The following ARHGAP23 variants were observed in gnomAD, a reference collection of about 807,000 sequenced individuals.
The protein encoded by ARHGAP23 is Rho GTPase activating protein 23.
Under a neutral mutation model 136.3 loss-of-function variants are expected in ARHGAP23, and 34 were observed. The ratio of observed to expected loss-of-function variants is 0.25; its 90% CI spans 0.19 to 0.33. ARHGAP23 has a LOEUF of 0.33. Among genes scored for constraint, ARHGAP23 ranks in the 10% least tolerant of loss-of-function variants. ARHGAP23 has a pLI of 1.00. For missense variants in ARHGAP23, 1,808 were observed against 2,139.0 expected (o/e 0.85, Z 3.05); for synonymous variants, 832 against 920.5 (o/e 0.90, Z 1.74).
intron 22 of ARHGAP23, chr17:38,500,324 C>A: frequency 1.9e-6 from 1 of 528,880 alleles, no homozygotes. Context: ...TGCCCCCTTG[C>A]CCTTAGCCAT....
At chr17:38,466,067 T>C in intron 6 of ARHGAP23, 100 bp from the exon 7 acceptor site, 1 of 841,104 alleles carries the variant, frequency 1.2e-6, no homozygotes, top group Non-Finnish European at 1.6e-6. Context: ...GTCCTCTCCC[T>C]TCATTTCCCT....
At chr17:38,500,504 G>A (rs1597846897) in intron 22 of ARHGAP23, 93 bp from the exon 23 acceptor site, 6 of 1,167,738 alleles carry the variant, frequency 5.1e-6, no homozygotes, top group African/African-American at 1.5e-5. Flanking sequence ...CCTGGTTTCT[G>A]AAGCCTTTGA....
intron 17 of ARHGAP23, among the ~76,000 whole-genome samples, chr17:38,488,118 G>T (rs1180162182): frequency 6.6e-6 from 1 of 152,054 alleles, no homozygotes; most frequent in African/African-American, 2.4e-5. Context: ...ACATTGCTCA[G>T]ACTGGTCTTC....
chr17:38,437,626 C>G (rs901148126), intron 1 of ARHGAP23, among the ~76,000 whole-genome samples: 2 of 151,784 alleles, frequency 1.3e-5, no homozygotes, highest in Non-Finnish European at 2.9e-5. Flanking sequence ...ACCCCTACCC[C>G]CCCCAAAAAA....
chr17:38,466,991 C>T lies in ARHGAP23; in HGVS notation c.1308C>T (p.Leu436=). 2 of 1,550,656 alleles carry T rather than the reference C, an allele frequency of 1.3e-6. No individual in the cohort carries two copies. The highest frequency in any genetic ancestry group is 1.7e-6 in the Non-Finnish European group (2 of 1,146,980). The stretch of plus-strand genomic sequence containing the variant: ...GCCGGACCGGCCTCCTCCATGCGCT[C>T]TCCTTCCGGGACTCACCCTTTGGGG... ...FQRRTGLLHA[L]SFRDSPFGGL... Residue 436 remains leucine, a synonymous_variant, in exon 7 of 24, where the codon CTC becomes CTT. Transcript: ENST00000622683.
In ARHGAP23 at chr17:38,466,709, C is replaced by T. The variant is rs1281937486; in HGVS notation, c.1026C>T (p.Gly342=). 2 of 1,533,882 alleles carry T rather than the reference C, an allele frequency of 1.3e-6. No individual in the cohort carries two copies. The highest frequency in any genetic ancestry group is 2.0e-5 in the Admixed American group (1 of 50,098). Residue 342 remains glycine (G), a synonymous_variant, in exon 7 of 24, where the codon GGC becomes GGT. Coordinates refer to ENST00000622683, the MANE Select transcript of ARHGAP23 (RefSeq NM_001199417.2). ...STSQDALSQL[G]QEGWHRARSD... ...CCCAGGATGCTTTGAGCCAGCTGGG[C>T]CAGGAGGGCTGGCACCGAGCTCGCT...
In ARHGAP23 at chr17:38,473,148, T is replaced by C. The variant is rs1272011322; in HGVS notation, c.2118+1142T>C. ...TGTATTTTTTTAGTAGAGACGGAGT[T>C]TCACCATGTTGGTCAGGCTGGTCTC... is the stretch of plus-strand genomic sequence containing the variant. On this transcript the variant is annotated intron_variant, in intron 11 of 23. Coordinates refer to ENST00000622683, the MANE Select transcript of ARHGAP23 (RefSeq NM_001199417.2). Among the ~76,000 whole-genome samples, 4 of 151,076 alleles carry C rather than the reference T, an allele frequency of 2.6e-5. No individual in the cohort carries two copies. The East Asian group carries it at 7.8e-4, about 29-fold the overall frequency.
chr17:38,424,955 C>G (rs1406881771), upstream of ARHGAP23, among the ~76,000 whole-genome samples: 1 of 152,222 alleles, frequency 6.6e-6, no homozygotes, highest in Non-Finnish European at 1.5e-5. Context: ...GCCCTGCACT[C>G]TTCCATTTCC....
At chr17:38,467,913 G>A (rs2039651923) in intron 7 of ARHGAP23, among the ~76,000 whole-genome samples, 1 of 151,922 alleles carries the variant, frequency 6.6e-6, no homozygotes, top group African/African-American at 2.4e-5. Context: ...ACAGATATTT[G>A]TGTCAGGCCC....
At chr17:38,436,975 C>T (rs1438983319) in intron 1 of ARHGAP23, among the ~76,000 whole-genome samples, 1 of 152,128 alleles carries the variant, frequency 6.6e-6, no homozygotes, top group Non-Finnish European at 1.5e-5. Context: ...CATCTGTTTC[C>T]AAATCTATCA....
chr17:38,508,731 GGA>G (rs1007531733), intron 23 of ARHGAP23, among the ~76,000 whole-genome samples: 6 of 152,142 alleles, frequency 3.9e-5, no homozygotes, highest in African/African-American at 1.4e-4. Context: ...TGTGGGTGGA[GGA>G]GAGAGGGAGG....
intron 1 of ARHGAP23, among the ~76,000 whole-genome samples, chr17:38,433,848 G>A (rs2038735529): frequency 6.6e-6 from 1 of 152,160 alleles, no homozygotes; most frequent in Non-Finnish European, 1.5e-5. Context: ...GCCCAGGAAG[G>A]GCTTGGTGGC....
chr17:38,482,759 A>G (rs1482361646), intron 16 of ARHGAP23, 81 bp downstream of exon 16: 17 of 1,380,158 alleles, frequency 1.2e-5, no homozygotes, highest in Admixed American at 4.2e-5. Flanking sequence ...TCTGTGGTCT[A>G]TTGTGTTGCA....
rs73302663 is a variant in ARHGAP23, at chr17:38,511,867, G to A, written c.*895G>A. ...CCCACCTTCTTCCCCTTAGGAGGAG[G>A]GATAGTCAACACCCCTGCTGTCTCT... On this transcript the variant is annotated 3_prime_UTR_variant, in exon 24 of 24. Transcript: ENST00000622683. The A allele has an allele frequency of 0.066, 10,109 of 152,202 alleles. 419 individuals are homozygous for A. The highest frequency in any genetic ancestry group is 0.17 in the South Asian group (826 of 4,820). The allele number at this position is 152,202 out of a possible 1,614,324, so 9.4% of individuals were successfully genotyped here. A position where few individuals can be genotyped will look rare whatever the true frequency, so the allele number is the denominator to read the frequency against.
intron 11 of ARHGAP23, among the ~76,000 whole-genome samples, chr17:38,474,913 A>T (rs1275035307): frequency 1.3e-5 from 2 of 152,182 alleles, no homozygotes; most frequent in East Asian, 3.9e-4. Context: ...TGTGAGCCAC[A>T]TGAAGGGTCC....
At chr17:38,467,463 CAATT>C in intron 7 of ARHGAP23, 132 bp downstream of exon 7, 1 of 751,786 alleles carries the variant, frequency 1.3e-6, no homozygotes. Flanking sequence ...GTTTCTCTGT[CAATT>C]CATTCATCTG....
At chr17:38,442,095 A>G (rs1036220531) in intron 1 of ARHGAP23, among the ~76,000 whole-genome samples, 6 of 152,288 alleles carry the variant, frequency 3.9e-5, no homozygotes, top group Admixed American at 2.6e-4. Flanking sequence ...AGCTGGGACT[A>G]CAGGCGTGCC....
At chr17:38,438,450 T>C (rs1313851070) in intron 1 of ARHGAP23, among the ~76,000 whole-genome samples, 1 of 152,140 alleles carries the variant, frequency 6.6e-6, no homozygotes, top group Admixed American at 6.5e-5. Context: ...GCTTGGCCTC[T>C]TAAGGGATTG....
At chr17:38,486,860 G>T (rs2040171673) in intron 17 of ARHGAP23, among the ~76,000 whole-genome samples, 1 of 152,260 alleles carries the variant, frequency 6.6e-6, no homozygotes, top group Non-Finnish European at 1.5e-5. Context: ...TTGGCCGTTT[G>T]CTGAACTGCT....
Sources: allele counts gnomAD v4.1 joint callset (sites outside exome capture counted in the v4.1 genomes callset), GRCh38; gene constraint gnomAD v4.1.1; transcripts MANE v1.5; gene names NCBI Gene and HGNC (gene_info 2026-07-23, HGNC 2026-07-21).